Variants in MASTL observed in about 807,000 individuals in gnomAD.
MASTL encodes the protein microtubule associated serine/threonine kinase like.
MASTL carries 54 observed loss-of-function variants against 82.5 expected under a neutral mutation model. The ratio of observed to expected loss-of-function variants is 0.65; its 90% CI spans 0.53 to 0.82. MASTL has a LOEUF of 0.82. MASTL is among the 40% of genes least tolerant of loss of function. The probability of loss-of-function intolerance (pLI) is 0.00; values close to 1 mark genes in which losing one functional copy is unlikely to be tolerated. For synonymous variants in MASTL, 323 were observed against 368.9 expected (o/e 0.88, Z 1.43); for missense variants, 950 against 1,047.8 (o/e 0.91, Z 1.29).
chr10:27,175,259 T>G (rs1249181537), intron 9 of MASTL, among the ~76,000 whole-genome samples: 2 of 152,088 alleles, frequency 1.3e-5, no homozygotes, highest in Admixed American at 1.3e-4. Context: ...CTCAGCTCAC[T>G]GCAACCTCCG....
In MASTL at chr10:27,170,134, G is replaced by A. The variant is rs1224468189; in HGVS notation, c.1175G>A (p.Cys392Tyr). Residue 392 changes from cysteine to tyrosine, a missense_variant, in exon 8 of 12, where the codon TGC becomes TAC. By Grantham distance (194) the Cys-to-Tyr change is radical (BLOSUM62 -2). Coordinates refer to ENST00000375940, the MANE Select transcript of MASTL (RefSeq NM_001172303.3). ...GRSCVNLAKK[C>Y]FSGEVSWEAV... ...TCTTGTGTAAACCTTGCTAAAAAAT[G>A]CTTCTCTGGGGAAGTTTCTTGGGAA... The A allele has an allele frequency of 6.2e-7, 1 of 1,614,150 alleles. No homozygotes were observed. Among genetic ancestry groups the A allele is most frequent in the East Asian group, 2.2e-5 (1 of 44,884 alleles).
intron 4 of MASTL, among the ~76,000 whole-genome samples, chr10:27,161,615 T>C (rs1447238177): frequency 6.6e-6 from 1 of 152,198 alleles, no homozygotes; most frequent in Non-Finnish European, 1.5e-5. Context: ...TTTTCTTTGT[T>C]AGTTTACACT....
In MASTL at chr10:27,155,487, G is replaced by T. The variant is rs778156826; in HGVS notation, c.61G>T (p.Val21Leu). 20 of 1,613,986 alleles carry T rather than the reference G, an allele frequency of 1.2e-5. No homozygotes were observed. In the South Asian group the frequency reaches 2.2e-4, roughly 18 times the overall value. ...PGGGAATEEG[V>L]NRIAVPKPPS... ...AGGAGGCGCGGCGACTGAGGAGGGC[G>T]TGAATAGGATCGCAGTGCCAAAACC... Residue 21 changes from valine (V) to leucine (L), a missense_variant, in exon 1 of 12, where the codon GTG becomes TTG. Transcript: ENST00000375940.
In MASTL at chr10:27,182,275, T is replaced by C. The variant is rs191640818; in HGVS notation, c.2482+694T>C. 7.9e-3 allele frequency among the ~76,000 whole-genome samples: 1,180 copies of C among 150,198 alleles called. 4 individuals carry two copies. The highest frequency in any genetic ancestry group is 0.013 in the Non-Finnish European group (860 of 67,600). On this transcript the variant is annotated intron_variant, in intron 11 of 11. Transcript: ENST00000375940. Reference sequence around the variant, plus strand: ...AAAAAAAAAAAATCAAGTTCCAATATAATACTACAGATAATCTGACTGCTA... The same window carrying C: ...AAAAAAAAAAAATCAAGTTCCAATACAATACTACAGATAATCTGACTGCTA...
rs1242732492 is a variant in MASTL at position 27,186,716 on chromosome 10, TTTATC to T, written c.*184_*188del. 6 of 626,272 alleles carry T rather than the reference TTTATC, an allele frequency of 9.6e-6. No individual in the cohort carries two copies. In the African/African-American group the frequency reaches 1.1e-4, roughly 12 times the overall value. The allele number at this position is 626,272 out of a possible 1,614,324, so 38.8% of individuals were successfully genotyped here. The stretch of plus-strand genomic sequence containing the variant: ...AGGCTGAAAGGAATATAGTCAGTAA[TTTATC>T]TTAACCTCAAAACTGTATATAAATC... On this transcript the variant is annotated 3_prime_UTR_variant, in exon 12 of 12. Coordinates refer to ENST00000375940, the MANE Select transcript of MASTL (RefSeq NM_001172303.3).
At chr10:27,182,729 T>C (rs966056447) in intron 11 of MASTL, among the ~76,000 whole-genome samples, 1 of 151,604 alleles carries the variant, frequency 6.6e-6, no homozygotes, top group African/African-American at 2.4e-5. Flanking sequence ...GGAAACAAAG[T>C]GAGACTCTGG....
rs764102088 is a variant in MASTL at position 27,158,646 on chromosome 10, A to T, written c.284A>T (p.His95Leu). Residue 95 changes from histidine to leucine, a missense_variant, in exon 2 of 12, where the codon CAT (histidine) becomes CTT (leucine). Coordinates refer to ENST00000375940, the MANE Select transcript of MASTL (RefSeq NM_001172303.3). Reference sequence around the variant, plus strand: ...CTAAGCAAAAGCCCATTCATTGTCCATTTGTATTATTCACTGCAGTCTGCA... The same window carrying T: ...CTAAGCAAAAGCCCATTCATTGTCCTTTTGTATTATTCACTGCAGTCTGCA... Reference protein sequence around the residue: ...LALSKSPFIVHLYYSLQSANN... With the variant: ...LALSKSPFIVLLYYSLQSANN... 1 of 1,613,990 alleles carries T rather than the reference A, an allele frequency of 6.2e-7. No individual in the cohort carries two copies. The highest frequency in any genetic ancestry group is 8.5e-7 in the Non-Finnish European group (1 of 1,179,842).
chr10:27,157,208 C>T lies in MASTL; in HGVS notation c.187-1341C>T, dbSNP rs149193187. 7.9e-5 allele frequency among the ~76,000 whole-genome samples: 12 copies of T among 152,276 alleles called. No individual in the cohort carries two copies. In the East Asian group the frequency reaches 2.3e-3, roughly 29 times the overall value. ...ATCTTAGCTCCCCTTCACACCTTCC[C>T]TAATCTTTCAGAATTGGAAGATCTG... On this transcript the variant is annotated intron_variant, in intron 1 of 11. Coordinates refer to ENST00000375940, the MANE Select transcript of MASTL (RefSeq NM_001172303.3).
At chr10:27,167,413 A>G (rs2057776552) in intron 7 of MASTL, 139 bp downstream of exon 7, 3 of 711,122 alleles carry the variant, frequency 4.2e-6, no homozygotes, top group Non-Finnish European at 7.1e-6. Context: ...TCAGAAATTC[A>G]TTTTCCTGCA....
intron 7 of MASTL, among the ~76,000 whole-genome samples, chr10:27,169,130 A>G (rs538827138): frequency 7.2e-5 from 11 of 152,306 alleles, no homozygotes; most frequent in Admixed American, 7.2e-4. Flanking sequence ...ATTATTAATT[A>G]CCATTAATGT....
chr10:27,178,645 G>A (rs765266926), intron 9 of MASTL, among the ~76,000 whole-genome samples: 7 of 150,838 alleles, frequency 4.6e-5, no homozygotes, highest in Non-Finnish European at 8.8e-5. Flanking sequence ...ATATGGGTAT[G>A]TGTGGCATAT....
At position 27,170,467 on chromosome 10, in the gene MASTL, G is replaced by A; in HGVS notation, c.1508G>A (p.Cys503Tyr). 2 of 1,614,100 alleles carry A rather than the reference G, an allele frequency of 1.2e-6. No homozygotes were observed. The highest frequency in any genetic ancestry group is 2.2e-5 in the East Asian group (1 of 44,866). Residue 503 changes from cysteine to tyrosine, a missense_variant, in exon 8 of 12, where the codon TGT becomes TAT. Transcript: ENST00000375940. The part of the protein sequence containing the change: ...LSVHKSQQND[C>Y]ANKENIVNSF... ...GTGCACAAAAGTCAACAAAATGACT[G>A]TGCTAATAAGGAGAACATTGTCAAT...
intron 9 of MASTL, among the ~76,000 whole-genome samples, chr10:27,174,136 C>T (rs1330043410): frequency 3.3e-5 from 5 of 151,982 alleles, no homozygotes; most frequent in African/African-American, 1.2e-4. Flanking sequence ...AGGTGGATCA[C>T]TTGAGGCCAG....
rs1427565818 is a variant in MASTL at position 27,158,651 on chromosome 10, T to G, written c.289T>G (p.Tyr97Asp). The G allele has an allele frequency of 6.2e-7, 1 of 1,614,136 alleles. No individual in the cohort carries two copies. The highest frequency in any genetic ancestry group is 1.7e-5 in the Admixed American group (1 of 60,032). ...CAAAAGCCCATTCATTGTCCATTTG[T>G]ATTATTCACTGCAGTCTGCAAACAA... ...LSKSPFIVHL[Y>D]YSLQSANNVY... Residue 97 changes from tyrosine to aspartate, a missense_variant, in exon 2 of 12, where the codon TAT becomes GAT. Coordinates refer to ENST00000375940, the MANE Select transcript of MASTL (RefSeq NM_001172303.3).
Position 27,167,107 on chromosome 10 carries a change from G to A in MASTL, c.817G>A (p.Glu273Lys). 1.9e-6 allele frequency: 3 copies of A among 1,613,036 alleles called. No individual in the cohort carries two copies. The highest frequency in any genetic ancestry group is 2.5e-6 in the Non-Finnish European group (3 of 1,179,274). ...ATATTGTCTCTTCTCTATAGGTCTT[G>A]AAACAGTTGCCTCCAACCCAGGAAT... is the stretch of plus-strand genomic sequence containing the variant. ...YSSKLLKSCL[E>K]TVASNPGMPV... The change falls in exon 7 of 12, where the codon GAA becomes AAA. Residue 273 changes from glutamate to lysine, a missense_variant. Coordinates refer to ENST00000375940, the MANE Select transcript of MASTL (RefSeq NM_001172303.3).
Position 27,184,554 on chromosome 10 carries a change from ATTTTT to A in MASTL, c.2483-1805_2483-1801del, listed in dbSNP as rs752147433. Among the ~76,000 whole-genome samples the A allele has an allele frequency of 4.7e-5, 4 of 84,854 alleles. No individual in the cohort carries two copies. In the South Asian group the frequency reaches 1.4e-3, roughly 30 times the overall value. 55.7% of individuals were successfully genotyped at this position (84,854 alleles called of 152,430 possible). On this transcript the variant is annotated intron_variant, in intron 11 of 11. Coordinates refer to ENST00000375940, the MANE Select transcript of MASTL (RefSeq NM_001172303.3). ...AAAAACACTATCACATATAAGAAGG[ATTTTT>A]TTTTTTTTTTTTTTTTTTTGAGACG...
intron 4 of MASTL, 57 bp from the exon 5 acceptor site, chr10:27,165,007 A>T: frequency 9.3e-7 from 1 of 1,074,920 alleles, no homozygotes; most frequent in Non-Finnish European, 1.4e-6. Flanking sequence ...ATTCATTTTT[A>T]GTCAATGGGA....
chr10:27,155,209 G>A, upstream of MASTL: 1 of 586,572 alleles, frequency 1.7e-6, no homozygotes, highest in South Asian at 2.0e-5. Context: ...TGGGGCCGCG[G>A]TCGCCGCCCA....
intron 9 of MASTL, among the ~76,000 whole-genome samples, chr10:27,176,501 GTC>G (rs2058104832): frequency 6.6e-6 from 1 of 152,082 alleles, no homozygotes; most frequent in Non-Finnish European, 1.5e-5. Context: ...TACCAGCCTT[GTC>G]TCTCAAAGAG....
Sources: gnomAD v4.1 joint callset for allele counts (sites outside exome capture counted in the v4.1 genomes callset) on GRCh38, gnomAD v4.1.1 for gene constraint, MANE v1.5 for transcripts, NCBI Gene and HGNC (gene_info 2026-07-23, HGNC 2026-07-21) for gene names.